Variants in MCPH1 observed in about 807,000 individuals in gnomAD.
The protein encoded by MCPH1 is microcephalin.
A neutral mutation model predicts 84.5 loss-of-function variants in MCPH1; 104 were observed. The ratio of observed to expected loss-of-function variants is 1.23; its 90% confidence interval spans 1.05 to 1.45. The LOEUF (loss-of-function observed/expected upper bound fraction) is 1.45, where lower values mean the gene tolerates loss of function less well. Ranked by LOEUF, MCPH1 falls within the 40% of genes most tolerant of loss-of-function variation. The pLI, the probability that MCPH1 is intolerant of heterozygous loss-of-function variation, is 0.00. For missense variants in MCPH1, 1,498 were observed against 1,005.7 expected (o/e 1.49, Z -6.62); for synonymous variants, 514 against 366.8 (o/e 1.40, Z -4.58).
At chr8:6,628,842 G>C (rs1297413659) in intron 13 of MCPH1, among the ~76,000 whole-genome samples, 1 of 152,208 alleles carries the variant, frequency 6.6e-6, no homozygotes, top group African/African-American at 2.4e-5. Context: ...GCTGCCCTTG[G>C]TTTTAGGCTG....
At chr8:6,573,954 C>A (rs1180641715) in intron 12 of MCPH1, among the ~76,000 whole-genome samples, 2 of 152,178 alleles carry the variant, frequency 1.3e-5, no homozygotes, top group African/African-American at 4.8e-5. Flanking sequence ...GTGGAAGAAG[C>A]AAATGAAAAT....
chr8:6,444,339 T>G, intron 7 of MCPH1, 54 bp from the exon 8 acceptor site: 1 of 1,606,752 alleles, frequency 6.2e-7, no homozygotes, highest in East Asian at 2.2e-5. Flanking sequence ...GAAAGTTGAA[T>G]ATAGAATAAT....
intron 12 of MCPH1, among the ~76,000 whole-genome samples, chr8:6,545,605 C>G (rs1269690898): frequency 6.6e-6 from 1 of 152,140 alleles, no homozygotes; most frequent in Non-Finnish European, 1.5e-5. Context: ...TCTGACATTC[C>G]AAAACACGAT....
intron 12 of MCPH1, among the ~76,000 whole-genome samples, chr8:6,576,611 G>GATTCTT (rs1314653139): frequency 7.0e-6 from 1 of 143,702 alleles, no homozygotes; most frequent in Non-Finnish European, 1.5e-5. Context: ...CGGGTCAAGC[G>GATTCTT]ATTCTTCTGC....
At chr8:6,523,243 C>T (rs1376827600) in intron 12 of MCPH1, among the ~76,000 whole-genome samples, 7 of 152,224 alleles carry the variant, frequency 4.6e-5, no homozygotes, top group South Asian at 4.1e-4. Flanking sequence ...GTGATCCGCC[C>T]GCCCCTGCCT....
chr8:6,445,697 T>C, intron 8 of MCPH1, 150 bp downstream of exon 8: 1 of 1,430,882 alleles, frequency 7.0e-7, no homozygotes, highest in Non-Finnish European at 9.1e-7. Flanking sequence ...ATTCCAATGA[T>C]AAACTCTTTA....
At position 6,499,910 on chromosome 8, in the gene MCPH1, A is replaced by C. The variant is rs201078106; in HGVS notation, c.2195A>C (p.His732Pro). The C allele has an allele frequency of 6.1e-5, 99 of 1,613,696 alleles. No homozygotes were observed. In the African/African-American group the frequency reaches 1.2e-3, roughly 20 times the overall value. Residue 732 changes from histidine (H) to proline (P), a missense_variant, in exon 12 of 14, where the codon CAC becomes CCC. His to Pro is a moderately conservative substitution (Grantham distance 77). Coordinates refer to ENST00000344683, the MANE Select transcript of MCPH1 (RefSeq NM_024596.5). ...WISEEPFELS[H>P]HFPAAPLCRS... is the part of the protein sequence containing the mutation. ...TCTGAGGAGCCGTTCGAACTGTCTC[A>C]CCACTTCCCTGCAGCTCCCGTAAGT... is the stretch of plus-strand genomic sequence containing the variant.
rs1809111599 is a variant in MCPH1, at chr8:6,480,736, G to GA, written c.1996_1997insA (p.Val666AspfsTer4). On this transcript the variant is annotated frameshift_variant, in exon 11 of 14. Coordinates refer to ENST00000344683, the MANE Select transcript of MCPH1 (RefSeq NM_024596.5). LOFTEE classifies it high-confidence loss of function. Reference sequence around the variant, plus strand: ...CAGAAAGCAGAATGTCGTCATCCAGGTTGTGGATAAATTGAAAGGCTTTTC... The same window carrying GA: ...CAGAAAGCAGAATGTCGTCATCCAGGATTGTGGATAAATTGAAAGGCTTTTC... 6.2e-7 allele frequency: 1 copy of GA among 1,614,054 alleles called. No homozygotes were observed. Among genetic ancestry groups the GA allele is most frequent in the Non-Finnish European group, 8.5e-7 (1 of 1,180,040 alleles).
At chr8:6,464,156 G>A (rs1189864103) in intron 9 of MCPH1, among the ~76,000 whole-genome samples, 1 of 152,146 alleles carries the variant, frequency 6.6e-6, no homozygotes, top group East Asian at 1.9e-4. Flanking sequence ...GCCGGCCAGT[G>A]AGCTCTGTAA....
At chr8:6,409,918 G>T (rs936249626) in intron 2 of MCPH1, among the ~76,000 whole-genome samples, 1 of 152,120 alleles carries the variant, frequency 6.6e-6, no homozygotes, top group Non-Finnish European at 1.5e-5. Context: ...CAGTGACAGA[G>T]GGAGAGAAGA....
chr8:6,588,966 T>C (rs1036336724), intron 12 of MCPH1, among the ~76,000 whole-genome samples: 2 of 152,232 alleles, frequency 1.3e-5, no homozygotes, highest in Admixed American at 6.5e-5. Context: ...AAGGCAGAAA[T>C]TGCAGCACAG....
At chr8:6,434,773 C>T (rs144033864) in intron 4 of MCPH1, among the ~76,000 whole-genome samples, 2 of 152,270 alleles carry the variant, frequency 1.3e-5, no homozygotes, top group Admixed American at 6.5e-5. Context: ...GCTAGCTACC[C>T]ATGTAAGCAA....
intron 2 of MCPH1, among the ~76,000 whole-genome samples, chr8:6,410,052 C>A (rs922975658): frequency 1.3e-4 from 19 of 151,968 alleles, no homozygotes; most frequent in Admixed American, 4.6e-4. Context: ...TCACTGCAAT[C>A]TCTGCCTTCT....
At chr8:6,434,242 A>G (rs1391559108) in intron 4 of MCPH1, among the ~76,000 whole-genome samples, 2 of 152,178 alleles carry the variant, frequency 1.3e-5, no homozygotes, top group Non-Finnish European at 2.9e-5. Context: ...TCCAACCTGC[A>G]CCGTACCTGA....
At position 6,643,269 on chromosome 8, in the gene MCPH1, A is replaced by G. The variant is rs1798050886; in HGVS notation, c.*220A>G. ...CTTCGGGCCTTTTTATTTTTATTTTATTTTTTATTTTTTGAGACGGAGTCC... is the reference window on the plus strand; with the variant it reads ...CTTCGGGCCTTTTTATTTTTATTTTGTTTTTTATTTTTTGAGACGGAGTCC... On this transcript the variant is annotated 3_prime_UTR_variant, in exon 14 of 14. Transcript: ENST00000344683. The G allele has an allele frequency of 1.8e-6, 1 of 564,746 alleles. No homozygotes were observed. The highest frequency in any genetic ancestry group is 1.9e-5 in the African/African-American group (1 of 53,058). The allele number at this position is 564,746 out of a possible 1,614,324, so 35.0% of individuals were successfully genotyped here.
intron 9 of MCPH1, 96 bp downstream of exon 9, chr8:6,455,348 T>C: frequency 4.5e-6 from 4 of 895,788 alleles, no homozygotes; most frequent in Non-Finnish European, 5.4e-6. Flanking sequence ...CTATCTGACT[T>C]GTCTTTTATT....
chr8:6,500,168 C>T lies in MCPH1; in HGVS notation c.2214+239C>T, dbSNP rs1811870405. The T allele has an allele frequency of 2.9e-5, 15 of 518,526 alleles. No homozygotes were observed. The East Asian group carries it at 4.9e-4, about 17-fold the overall frequency. The allele number at this position is 518,526 out of a possible 1,614,324, so 32.1% of individuals were successfully genotyped here. On this transcript the variant is annotated intron_variant, in intron 12 of 13. Coordinates refer to ENST00000344683, the MANE Select transcript of MCPH1 (RefSeq NM_024596.5). ...AGTCCAAAGAAAATTTGACGATTAACATCCTCAGAACTGAGAAAAACAAAA... is the reference window on the plus strand; with the variant it reads ...AGTCCAAAGAAAATTTGACGATTAATATCCTCAGAACTGAGAAAAACAAAA...
chr8:6,646,341 T>G lies in MCPH1; in HGVS notation c.*3292T>G, dbSNP rs1798214731. On this transcript the variant is annotated 3_prime_UTR_variant, in exon 14 of 14. Transcript: ENST00000344683. ...CTCAGGAGGCTGAAGCAGAATAGCTTGAACCCAAGAGAGTCCAGCTCAAAA... is the reference window on the plus strand; with the variant it reads ...CTCAGGAGGCTGAAGCAGAATAGCTGGAACCCAAGAGAGTCCAGCTCAAAA... 6.6e-6 allele frequency: 1 copy of G among 152,176 alleles called. No individual in the cohort carries two copies. The highest frequency in any genetic ancestry group is 2.1e-4 in the South Asian group (1 of 4,828). 9.4% of individuals were successfully genotyped at this position (152,176 alleles called of 1,614,324 possible). A position where few individuals can be genotyped will look rare whatever the true frequency, so the allele number is the denominator to read the frequency against.
intron 1 of MCPH1, among the ~76,000 whole-genome samples, chr8:6,408,791 G>T (rs918129467): frequency 5.3e-5 from 8 of 152,080 alleles, no homozygotes; most frequent in African/African-American, 1.2e-4. Context: ...TCAAACTTCT[G>T]TGCCCAAGTG....
Sources: allele counts gnomAD v4.1 joint callset (sites outside exome capture counted in the v4.1 genomes callset), GRCh38; gene constraint gnomAD v4.1.1; transcripts MANE v1.5; gene names NCBI Gene and HGNC (gene_info 2026-07-23, HGNC 2026-07-21).